SYN2: variants seen among roughly 807,000 people sequenced by gnomAD.
The protein encoded by SYN2 is synapsin-2.
A neutral mutation model predicts 50.9 loss-of-function variants in SYN2; 19 were observed. The ratio of observed to expected loss-of-function variants is 0.37; its 90% CI spans 0.26 to 0.55. The LOEUF (loss-of-function observed/expected upper bound fraction) is 0.55. Among genes scored for constraint, SYN2 ranks in the 20% least tolerant of loss-of-function variants. The probability of loss-of-function intolerance (pLI) is 0.81; values close to 1 mark genes in which losing one functional copy is unlikely to be tolerated. For missense variants in SYN2, 587 were observed against 576.4 expected (o/e 1.02, Z -0.19); for synonymous variants, 255 against 224.9 (o/e 1.13, Z -1.20).
At position 12,004,580 on chromosome 3, in the gene SYN2, C is replaced by T. The variant is rs1355491401; in HGVS notation, c.29C>T (p.Ser10Leu). ...ATGAACTTCCTGCGGCGCCGGCTGT[C>T]GGACAGCAGCTTCATCGCCAACCTG... MMNFLRRRL[S>L]DSSFIANLPN... Residue 10 changes from serine to leucine, a missense_variant, in exon 1 of 13, where the codon TCG becomes TTG. By Grantham distance (145) the Ser-to-Leu change is moderately radical. Coordinates refer to ENST00000621198, the MANE Select transcript of SYN2 (RefSeq NM_133625.6). 1 of 670,120 alleles carries T rather than the reference C, an allele frequency of 1.5e-6. No homozygotes were observed. Among genetic ancestry groups the T allele is most frequent in the Admixed American group, 2.1e-5 (1 of 47,644 alleles). 41.5% of individuals were successfully genotyped at this position (670,120 alleles called of 1,614,324 possible).
At chr3:12,060,050 C>T (rs1310411842) in intron 1 of SYN2, among the ~76,000 whole-genome samples, 2 of 152,132 alleles carry the variant, frequency 1.3e-5, no homozygotes, top group Non-Finnish European at 2.9e-5. Flanking sequence ...AAAGACAAGC[C>T]AATCTAGGAA....
chr3:12,173,733 G>A (rs758260977), intron 10 of SYN2, among the ~76,000 whole-genome samples: 2 of 151,986 alleles, frequency 1.3e-5, no homozygotes, highest in Non-Finnish European at 2.9e-5. Flanking sequence ...GGCCAATATG[G>A]TGAAACCCCG....
intron 1 of SYN2, among the ~76,000 whole-genome samples, chr3:12,048,201 G>T (rs1694784345): frequency 6.6e-6 from 1 of 152,138 alleles, no homozygotes; most frequent in Non-Finnish European, 1.5e-5. Context: ...TTGAGACAGG[G>T]TCTTGCTCTA....
At chr3:12,097,196 G>A (rs1226156663) in intron 1 of SYN2, among the ~76,000 whole-genome samples, 3 of 152,156 alleles carry the variant, frequency 2.0e-5, no homozygotes, top group Non-Finnish European at 4.4e-5. Context: ...TATAAATCAT[G>A]CTGCTATAAA....
intron 1 of SYN2, among the ~76,000 whole-genome samples, chr3:12,089,100 C>T (rs188837534): frequency 6.6e-6 from 1 of 152,322 alleles, no homozygotes; most frequent in East Asian, 1.9e-4. Context: ...AACATATACA[C>T]ATATCAAGAC....
chr3:12,018,861 G>A (rs1694073395), intron 1 of SYN2, among the ~76,000 whole-genome samples: 2 of 152,336 alleles, frequency 1.3e-5, no homozygotes, highest in Non-Finnish European at 2.9e-5. Context: ...TAGATATGAG[G>A]AAGAGTTCCC....
chr3:12,095,010 C>T (rs935652293), intron 1 of SYN2, among the ~76,000 whole-genome samples: 30 of 152,030 alleles, frequency 2.0e-4, no homozygotes, highest in African/African-American at 7.3e-4. Flanking sequence ...GACTGATGTT[C>T]TTAGATAGAA....
At position 12,153,792 on chromosome 3, in the gene SYN2, C is replaced by T. The variant is rs577466643; in HGVS notation, c.774+2466C>T. The T allele has an allele frequency of 5.5e-5, 82 of 1,479,842 alleles. No homozygotes were observed. The African/African-American group carries it at 9.7e-4, about 18-fold the overall frequency. The allele number at this position is 1,479,842 out of a possible 1,614,324, so 91.7% of individuals were successfully genotyped here. A position where few individuals can be genotyped will look rare whatever the true frequency, so the allele number is the denominator to read the frequency against. On this transcript the variant is annotated intron_variant, in intron 5 of 12. Transcript: ENST00000621198. ...TGCTGCCTTTCAGATTCCTACGTAC[C>T]TTTCCAGCCCATCTCAAATGCCCCC...
chr3:12,178,817 T>A (rs996816773), intron 10 of SYN2, among the ~76,000 whole-genome samples: 2 of 152,244 alleles, frequency 1.3e-5, no homozygotes, highest in African/African-American at 4.8e-5. Context: ...TAAGATGTCT[T>A]GGGCTGGCAA....
intron 1 of SYN2, among the ~76,000 whole-genome samples, chr3:12,023,251 C>A (rs1179930163): frequency 6.6e-6 from 1 of 151,812 alleles, no homozygotes; most frequent in Non-Finnish European, 1.5e-5. Flanking sequence ...CTAGGGAATA[C>A]AGGGATAAAA....
chr3:12,038,802 T>C (rs1037505292), intron 1 of SYN2, among the ~76,000 whole-genome samples: 1 of 152,194 alleles, frequency 6.6e-6, no homozygotes, highest in African/African-American at 2.4e-5. Flanking sequence ...TCTAAGAGTG[T>C]GTGTTCATGT....
At chr3:12,058,847 C>G (rs78007059) in intron 1 of SYN2, among the ~76,000 whole-genome samples, 4,507 of 152,320 alleles carry the variant, frequency 0.03, 105 homozygotes, top group Middle Eastern at 0.061. Context: ...AGTCCCTTCT[C>G]ATTACAGTTT....
At position 12,004,860 on chromosome 3, in the gene SYN2, C is replaced by T. The variant is rs750403300; in HGVS notation, c.309C>T (p.Pro103=). The part of the protein sequence containing the change: ...TAASAGLVDA[P]APAPAAARKA... Reference sequence around the variant, plus strand: ...CCTCGGCTGGCCTGGTGGACGCGCCCGCTCCCGCGCCCGCAGCCGCCAGGA... The same window carrying T: ...CCTCGGCTGGCCTGGTGGACGCGCCTGCTCCCGCGCCCGCAGCCGCCAGGA... The change falls in exon 1 of 13, where the codon CCC becomes CCT. Residue 103 remains proline (P), a synonymous_variant. Coordinates refer to ENST00000621198, the MANE Select transcript of SYN2 (RefSeq NM_133625.6). The T allele has an allele frequency of 3.6e-6, 2 of 559,270 alleles. No homozygotes were observed. The highest frequency in any genetic ancestry group is 3.1e-5 in the Admixed American group (1 of 32,010). The allele number at this position is 559,270 out of a possible 1,614,324, so 34.6% of individuals were successfully genotyped here.
At chr3:12,132,508 GTCAC>G (rs1218636045) in intron 1 of SYN2, among the ~76,000 whole-genome samples, 1 of 152,188 alleles carries the variant, frequency 6.6e-6, no homozygotes, top group African/African-American at 2.4e-5. Context: ...TTTGTGTAGG[GTCAC>G]TCAGTGTTTG....
At position 12,004,763 on chromosome 3, in the gene SYN2, A is replaced by G. The variant is rs1693754720; in HGVS notation, c.212A>G (p.Gln71Arg). The change falls in exon 1 of 13, where the codon CAG (glutamine) becomes CGG (arginine). Residue 71 changes from glutamine (Q) to arginine (R), a missense_variant. Coordinates refer to ENST00000621198, the MANE Select transcript of SYN2 (RefSeq NM_133625.6). ...CCGCCCGCCTCGGCGCCCGCGCCGCAGCCCGCGCCGACGCCGTCGGTGGGC... is the reference window on the plus strand; with the variant it reads ...CCGCCCGCCTCGGCGCCCGCGCCGCGGCCCGCGCCGACGCCGTCGGTGGGC... ...RPPPASAPAPQPAPTPSVGSS... is the reference protein window; with the variant it reads ...RPPPASAPAPRPAPTPSVGSS... 2 of 353,854 alleles carry G rather than the reference A, an allele frequency of 5.7e-6. No homozygotes were observed. The highest frequency in any genetic ancestry group is 9.6e-5 in the Admixed American group (2 of 20,874). The allele number at this position is 353,854 out of a possible 1,614,324, so 21.9% of individuals were successfully genotyped here. A position where few individuals can be genotyped will look rare whatever the true frequency, so the allele number is the denominator to read the frequency against.
chr3:12,158,736 C>A (rs775024177), intron 5 of SYN2: 4 of 1,609,150 alleles, frequency 2.5e-6, no homozygotes, highest in African/African-American at 1.3e-5. Flanking sequence ...GCTGAGGGTG[C>A]GCCGGGGCGC....
At chr3:12,086,436 T>C (rs1574932218) in intron 1 of SYN2, among the ~76,000 whole-genome samples, 1 of 152,152 alleles carries the variant, frequency 6.6e-6, no homozygotes, top group East Asian at 1.9e-4. Flanking sequence ...CAGGACAATA[T>C]CTTTGATGAA....
chr3:12,043,717 G>A (rs755016512), intron 1 of SYN2, among the ~76,000 whole-genome samples: 54 of 152,128 alleles, frequency 3.5e-4, no homozygotes, highest in Non-Finnish European at 6.3e-4. Flanking sequence ...GAAATGCACC[G>A]TGGATTAGTC....
chr3:12,168,246 C>T lies in SYN2; in HGVS notation c.1056-130C>T, dbSNP rs115409168. 9.5e-4 allele frequency: 673 copies of T among 709,122 alleles called. 3 individuals are homozygous for T. The African/African-American group carries it at 0.01, about 11-fold the overall frequency. 43.9% of individuals were successfully genotyped at this position (709,122 alleles called of 1,614,324 possible). On this transcript the variant is annotated intron_variant, in intron 8 of 12. Transcript: ENST00000621198. ...TGTAAATAAGGGTATGTGCTTGATA[C>T]GGGTAGATGGAGGGAGCAGTGGGAA...
Sources: allele counts gnomAD v4.1 joint callset (sites outside exome capture counted in the v4.1 genomes callset), GRCh38; gene constraint gnomAD v4.1.1; transcripts MANE v1.5; gene names NCBI Gene and HGNC (gene_info 2026-07-23, HGNC 2026-07-21).